Variants in FAM135B observed in about 807,000 individuals in gnomAD.
The protein encoded by FAM135B is protein FAM135B.
Under a neutral mutation model 127.7 loss-of-function variants are expected in FAM135B, and 43 were observed. The observed-to-expected ratio is 0.34, with a 90% CI of 0.26 to 0.43. The LOEUF (loss-of-function observed/expected upper bound fraction) is 0.43, where lower values mean the gene tolerates loss of function less well. FAM135B is among the 20% of genes least tolerant of loss of function. The pLI is 1.00. For missense variants in FAM135B, 1,558 were observed against 1,725.6 expected, an observed-to-expected ratio of 0.90 and a Z score of 1.72; for synonymous variants, 670 against 665.1, an observed-to-expected ratio of 1.01 and a Z score of -0.11.
intron 3 of FAM135B, among the ~76,000 whole-genome samples, chr8:138,307,047 G>A (rs2130873155): frequency 6.6e-6 from 1 of 152,274 alleles, no homozygotes; most frequent in Non-Finnish European, 1.5e-5. Context: ...TGAATGTTCA[G>A]CAACATCCCT....
At chr8:138,182,092 C>T (rs1381562492) in intron 9 of FAM135B, among the ~76,000 whole-genome samples, 1 of 152,240 alleles carries the variant, frequency 6.6e-6, no homozygotes, top group Non-Finnish European at 1.5e-5. Context: ...TACCACGCTG[C>T]CACCACAGTG....
chr8:138,436,676 G>T (rs61311137), intron 1 of FAM135B, among the ~76,000 whole-genome samples: 2,510 of 152,302 alleles, frequency 0.016, 29 homozygotes, highest in African/African-American at 0.04. Flanking sequence ...GACTGATTTA[G>T]CCATCAAGTC....
intron 7 of FAM135B, among the ~76,000 whole-genome samples, chr8:138,238,674 C>T (rs192742848): frequency 1.1e-4 from 16 of 152,326 alleles, no homozygotes; most frequent in Admixed American, 9.8e-4. Flanking sequence ...CTAATCCTTC[C>T]AGCTGATGCT....
chr8:138,449,869 C>T (rs761752554), intron 1 of FAM135B, among the ~76,000 whole-genome samples: 11 of 152,052 alleles, frequency 7.2e-5, no homozygotes. Context: ...TTCATCAAAC[C>T]CTAGATGTTA....
intron 1 of FAM135B, among the ~76,000 whole-genome samples, chr8:138,491,754 C>A (rs1292723015): frequency 7.2e-5 from 11 of 152,142 alleles, no homozygotes; most frequent in Non-Finnish European, 1.5e-4. Flanking sequence ...AAGAGACTGT[C>A]ATTGTAGAAG....
At chr8:138,246,828 T>C (rs1444726317) in intron 6 of FAM135B, among the ~76,000 whole-genome samples, 1 of 152,128 alleles carries the variant, frequency 6.6e-6, no homozygotes, top group Admixed American at 6.5e-5. Context: ...AAGCAGCCAG[T>C]AGAGGGGACT....
chr8:138,256,499 C>T (rs11166800), intron 5 of FAM135B, among the ~76,000 whole-genome samples, 190 bp downstream of exon 5: 50,937 of 151,978 alleles, frequency 0.34, 9,236 homozygotes, highest in East Asian at 0.71. Flanking sequence ...CTGACTAAAA[C>T]GTATGTGGTT....
rs2130758368 is a variant in FAM135B at position 138,152,152 on chromosome 8, G to A, written c.2323C>T (p.His775Tyr). ...TKLTKSVSAP[H>Y]ISSPEEAAED... ...GCAGCCTCCTCTGGGCTACTGATGT[G>A]GGGAGCAGATACAGACTTGGTTAAC... Residue 775 changes from histidine (H) to tyrosine (Y), a missense_variant, in exon 13 of 20, where the codon CAC becomes TAC. By Grantham distance (83) the His-to-Tyr change is moderately conservative (BLOSUM62 2). This residue lies in a region of FAM135B where 923 missense variants were observed against 865.3 expected (regional missense o/e 1.07). Coordinates refer to ENST00000395297, the MANE Select transcript of FAM135B (RefSeq NM_015912.4). 1 of 1,613,978 alleles carries A rather than the reference G, an allele frequency of 6.2e-7. No homozygotes were observed. The highest frequency in any genetic ancestry group is 8.5e-7 in the Non-Finnish European group (1 of 1,180,030).
chr8:138,270,090 G>A (rs182780661), intron 3 of FAM135B, among the ~76,000 whole-genome samples: 6 of 152,206 alleles, frequency 3.9e-5, no homozygotes, highest in South Asian at 4.1e-4. Flanking sequence ...CAGGGTCATC[G>A]AGCCTTCAAT....
intron 2 of FAM135B, among the ~76,000 whole-genome samples, chr8:138,322,870 C>T (rs371370173): frequency 3.3e-5 from 5 of 152,272 alleles, no homozygotes; most frequent in East Asian, 1.9e-4. Context: ...GGTGAAACTC[C>T]GCCCTAGCAG....
intron 1 of FAM135B, among the ~76,000 whole-genome samples, chr8:138,394,555 G>A (rs939221758): frequency 1.1e-4 from 17 of 152,176 alleles, no homozygotes; most frequent in African/African-American, 4.1e-4. Flanking sequence ...GTGCAAACTC[G>A]AAGAGCGCTT....
At chr8:138,139,652 G>A (rs1816954915) in intron 17 of FAM135B, among the ~76,000 whole-genome samples, 1 of 152,184 alleles carries the variant, frequency 6.6e-6, no homozygotes, top group African/African-American at 2.4e-5. Flanking sequence ...TGTAATCCCA[G>A]CTACTTGGGA....
At chr8:138,371,920 C>A (rs1440275665) in intron 1 of FAM135B, among the ~76,000 whole-genome samples, 1 of 152,210 alleles carries the variant, frequency 6.6e-6, no homozygotes, top group South Asian at 2.1e-4. Context: ...TGTCCAGGCA[C>A]TCTGGCACTC....
chr8:138,325,099 C>A (rs2130963221), intron 2 of FAM135B, among the ~76,000 whole-genome samples: 1 of 140,120 alleles, frequency 7.1e-6, no homozygotes, highest in South Asian at 2.5e-4. Context: ...CTAGAGGATT[C>A]CCTAGAAATC....
chr8:138,165,968 AG>A (rs1025194822), intron 12 of FAM135B, among the ~76,000 whole-genome samples: 1 of 152,236 alleles, frequency 6.6e-6, no homozygotes, highest in African/African-American at 2.4e-5. Flanking sequence ...CTCAGGTAGC[AG>A]AATCTTTGAA....
chr8:138,215,115 T>C (rs1223801019), intron 7 of FAM135B, among the ~76,000 whole-genome samples: 1 of 152,162 alleles, frequency 6.6e-6, no homozygotes, highest in Non-Finnish European at 1.5e-5. Flanking sequence ...ATGGACATGA[T>C]TAAATATCTA....
intron 1 of FAM135B, among the ~76,000 whole-genome samples, chr8:138,435,244 C>A (rs1355306282): frequency 6.6e-6 from 1 of 151,964 alleles, no homozygotes; most frequent in East Asian, 1.9e-4. Flanking sequence ...TTGCAGTGAG[C>A]CAAGATAGCT....
Position 138,132,369 on chromosome 8 carries a change from G to A in FAM135B, c.*224C>T. On this transcript the variant is annotated 3_prime_UTR_variant, in exon 20 of 20. Transcript: ENST00000395297. This position sits in a 1 kb window ranked among gnomAD's most constrained non-coding sequence, Gnocchi z 4.5. ...GAAAACATCTTGAATGACACTCCAG[G>A]TAACTATACAAATTCAAGCAAAGTT... The A allele has an allele frequency of 1.9e-6, 1 of 518,632 alleles. No homozygotes were observed. Among genetic ancestry groups the A allele is most frequent in the South Asian group, 2.4e-5 (1 of 41,740 alleles). The allele number at this position is 518,632 out of a possible 1,614,324, so 32.1% of individuals were successfully genotyped here.
At chr8:138,481,306 T>C (rs1332715971) in intron 1 of FAM135B, among the ~76,000 whole-genome samples, 2 of 152,248 alleles carry the variant, frequency 1.3e-5, no homozygotes, top group Non-Finnish European at 2.9e-5. Context: ...AATAGTCTTG[T>C]TATCTCCATT....
Sources: allele counts gnomAD v4.1 joint callset (sites outside exome capture counted in the v4.1 genomes callset), GRCh38; gene constraint gnomAD v4.1.1; regional missense constraint gnomAD v4.1.1; non-coding constraint Gnocchi (gnomAD v3.1); transcripts MANE v1.5; gene names NCBI Gene and HGNC (gene_info 2026-07-23, HGNC 2026-07-21).